The following TRIM5 variants were observed in gnomAD, a reference collection of about 807,000 sequenced individuals.
TRIM5 encodes tripartite motif containing 5, also known as tripartite motif-containing protein 5.
In TRIM5, 31 loss-of-function variants were observed where a neutral mutation model predicts 35.6. The observed-to-expected ratio is 0.87, with a 90% confidence interval of 0.65 to 1.18. TRIM5 has a LOEUF of 1.18. TRIM5 is among the 50% of genes most tolerant of loss of function. The probability of loss-of-function intolerance (pLI) is 0.00; values close to 1 mark genes in which losing one functional copy is unlikely to be tolerated. For synonymous variants in TRIM5, 243 were observed against 215.6 expected (o/e 1.13, Z -1.11); for missense variants, 609 against 591.6 (o/e 1.03, Z -0.31).
chr11:5,664,807 G>T lies in TRIM5; in HGVS notation c.*2C>A. 4 of 1,582,792 alleles carry T rather than the reference G, an allele frequency of 2.5e-6. No individual in the cohort carries two copies. Among genetic ancestry groups the T allele is most frequent in the Non-Finnish European group, 3.4e-6 (4 of 1,167,212 alleles). On this transcript the variant is annotated 3_prime_UTR_variant, in exon 8 of 8. Coordinates refer to ENST00000380034, the MANE Select transcript of TRIM5 (RefSeq NM_033034.3). ...CAGAAGGGGCTGAGTGTGTAAGAAG[G>T]TTCAAGAGCTTGGTGAGCACAGAGT...
At position 5,678,309 on chromosome 11, in the gene TRIM5, G is replaced by T; in HGVS notation, c.639C>A (p.Ser213Arg). The change falls in exon 4 of 8, where the codon AGC becomes AGA. Residue 213 changes from serine (S) to arginine (R), a missense_variant. Coordinates refer to ENST00000380034, the MANE Select transcript of TRIM5 (RefSeq NM_033034.3). ...LEKEEEDILK[S>R]LTNSETEMVQ... ...CCATCTCAGTTTCAGAGTTCGTAAG[G>T]CTTTTCAGAATGTCTTCCTCCTCCT... 1 of 1,614,040 alleles carries T rather than the reference G, an allele frequency of 6.2e-7. No individual in the cohort carries two copies.
At chr11:5,666,718 A>G (rs953774111) in intron 5 of TRIM5, among the ~76,000 whole-genome samples, 4 of 152,248 alleles carry the variant, frequency 2.6e-5, no homozygotes, top group African/African-American at 9.6e-5. Flanking sequence ...GTGTGGTTAG[A>G]AAGAACTTGA....
the TRIM5 span, chr11:5,655,747 A>C: frequency 1.1e-6 from 1 of 927,602 alleles, no homozygotes; most frequent in Non-Finnish European, 1.3e-6. Context: ...AAGTATGTGC[A>C]GGACATATAA....
At chr11:5,637,720 C>T in the TRIM5 span, among the ~76,000 whole-genome samples, 2 of 152,132 alleles carry the variant, frequency 1.3e-5, no homozygotes, top group Admixed American at 1.3e-4. Flanking sequence ...TGAAACTGTA[C>T]CCATTAAAAA....
At chr11:5,645,475 A>G in the TRIM5 span, among the ~76,000 whole-genome samples, 5 of 152,100 alleles carry the variant, frequency 3.3e-5, no homozygotes, top group East Asian at 1.9e-4. Flanking sequence ...ATACAATTCA[A>G]TGCTAGGTTT....
rs2134008293 is a variant in TRIM5, at chr11:5,663,486, T to C, written c.*1323A>G. The stretch of plus-strand genomic sequence containing the variant: ...TTCCCTGAAGGCACAACCTGTTCCA[T>C]GAGACATTAACAGAGTTTATGTTTT... On this transcript the variant is annotated 3_prime_UTR_variant, in exon 8 of 8. Coordinates refer to ENST00000380034, the MANE Select transcript of TRIM5 (RefSeq NM_033034.3). The C allele has an allele frequency of 1.0e-6, 1 of 985,318 alleles. No homozygotes were observed. The highest frequency in any genetic ancestry group is 5.2e-4 in the Middle Eastern group (1 of 1,914). 61.0% of individuals were successfully genotyped at this position (985,318 alleles called of 1,614,324 possible).
the TRIM5 span, chr11:5,634,973 T>A: frequency 9.0e-7 from 1 of 1,113,404 alleles, no homozygotes. Flanking sequence ...CAGTGCCGCC[T>A]TGTCGTCCAT....
chr11:5,660,095 G>C (rs1184433610), downstream of TRIM5, among the ~76,000 whole-genome samples: 1 of 151,988 alleles, frequency 6.6e-6, no homozygotes. Context: ...TCCTGCCTCA[G>C]CCTCCTGAGT....
At chr11:5,683,664 T>A (rs188674246) in intron 1 of TRIM5, among the ~76,000 whole-genome samples, 2 of 152,208 alleles carry the variant, frequency 1.3e-5, no homozygotes, top group Admixed American at 6.5e-5. Context: ...CTGGTGGGGA[T>A]GTGGAGAATC....
At chr11:5,630,290 CT>C in the TRIM5 span, among the ~76,000 whole-genome samples, 1 of 152,102 alleles carries the variant, frequency 6.6e-6, no homozygotes, top group African/African-American at 2.4e-5. Context: ...TAATGATAAC[CT>C]TTTTTTCCCC....
the TRIM5 span, chr11:5,604,592 T>G: frequency 6.2e-7 from 1 of 1,613,114 alleles, no homozygotes; most frequent in South Asian, 1.1e-5. Context: ...GCTGAGAAGC[T>G]AACAGCTTTT....
chr11:5,627,727 T>A, the TRIM5 span, among the ~76,000 whole-genome samples: 1 of 152,194 alleles, frequency 6.6e-6, no homozygotes, highest in Admixed American at 6.5e-5. Context: ...GATGCTACAA[T>A]GTTTCTGAGC....
At chr11:5,604,483 C>T in the TRIM5 span, 1 of 1,574,354 alleles carries the variant, frequency 6.4e-7, no homozygotes, top group Admixed American at 1.8e-5. Context: ...TGTCTGGGTA[C>T]TGAGTCAACT....
chr11:5,668,510 C>T (rs1168516909), intron 4 of TRIM5, among the ~76,000 whole-genome samples: 1 of 151,876 alleles, frequency 6.6e-6, no homozygotes, highest in Non-Finnish European at 1.5e-5. Context: ...AGTGCAGTGG[C>T]GTGATCTCGG....
At chr11:5,642,055 A>C in the TRIM5 span, among the ~76,000 whole-genome samples, 1 of 152,310 alleles carries the variant, frequency 6.6e-6, no homozygotes, top group Non-Finnish European at 1.5e-5. Flanking sequence ...TGAGTTTTCC[A>C]CATATCACAT....
rs762249246 is a variant in TRIM5, at chr11:5,663,553, T to TA, written c.*1255dup. 2.3e-5 allele frequency: 22 copies of TA among 971,314 alleles called. No homozygotes were observed. The East Asian group carries it at 3.4e-4, about 15-fold the overall frequency. 60.2% of individuals were successfully genotyped at this position (971,314 alleles called of 1,614,324 possible). On this transcript the variant is annotated 3_prime_UTR_variant, in exon 8 of 8. Transcript: ENST00000380034. ...CAAGTACTTATTAGATCAAGACACT[T>TA]AGATAGATGCTTTATACTTCAGGAA...
At chr11:5,598,046 G>T in the TRIM5 span, among the ~76,000 whole-genome samples, 43 of 152,286 alleles carry the variant, frequency 2.8e-4, 1 homozygote, top group South Asian at 3.7e-3. Context: ...TGATTTAATT[G>T]GTCCCACCTG....
the TRIM5 span, chr11:5,610,238 GT>G: frequency 1.2e-6 from 2 of 1,614,138 alleles, no homozygotes; most frequent in Non-Finnish European, 1.7e-6. Context: ...TGCTGCGAGT[GT>G]GTAGAGGTAA....
chr11:5,674,088 C>T (rs1452746044), intron 4 of TRIM5, among the ~76,000 whole-genome samples: 2 of 151,924 alleles, frequency 1.3e-5, no homozygotes, highest in Non-Finnish European at 1.5e-5. Context: ...CAGCAAAAAG[C>T]CTTTTTAATT....
Sources: allele counts gnomAD v4.1 joint callset (sites outside exome capture counted in the v4.1 genomes callset), GRCh38; gene constraint gnomAD v4.1.1; transcripts MANE v1.5; gene names NCBI Gene and HGNC (gene_info 2026-07-23, HGNC 2026-07-21).